CDH8: variants seen among roughly 807,000 people sequenced by gnomAD.
CDH8 encodes cadherin-8.
A neutral mutation model predicts 68.1 loss-of-function variants in CDH8; 17 were observed. The ratio of observed to expected loss-of-function variants is 0.25; its 90% CI spans 0.17 to 0.37. CDH8 has a LOEUF of 0.37. Ranked by LOEUF, CDH8 falls within the 10% of genes least tolerant of loss-of-function variation. CDH8 has a pLI of 1.00. For synonymous variants in CDH8, 372 were observed against 365.1 expected (o/e 1.02, Z -0.21); for missense variants, 763 against 999.3 (o/e 0.76, Z 3.19).
chr16:62,018,216 T>C (rs1412125163), intron 2 of CDH8, among the ~76,000 whole-genome samples: 2 of 152,180 alleles, frequency 1.3e-5, no homozygotes, highest in African/African-American at 2.4e-5. Context: ...TTTCTCAGCA[T>C]CCAGCTGCCT....
rs530853359 is a variant in CDH8 at position 61,814,969 on chromosome 16, G to A, written c.1277+2510C>T. Among the ~76,000 whole-genome samples the A allele has an allele frequency of 9.2e-5, 14 of 152,280 alleles. No individual in the cohort carries two copies. In the South Asian group the frequency reaches 2.7e-3, roughly 29 times the overall value. On this transcript the variant is annotated intron_variant, in intron 7 of 11. Transcript: ENST00000577390. ...TTAAGTTCTCATCCCATGGAGCCAA[G>A]CCAGGTTTAATAAAAAATGTGTGGG...
At chr16:61,683,964 G>T (rs1211842269) in intron 10 of CDH8, among the ~76,000 whole-genome samples, 2 of 151,964 alleles carry the variant, frequency 1.3e-5, no homozygotes, top group African/African-American at 4.8e-5. Flanking sequence ...CCCATGTTTG[G>T]TAATTCTAGA....
intron 7 of CDH8, among the ~76,000 whole-genome samples, chr16:61,800,802 A>G (rs11648416): frequency 0.15 from 20,765 of 142,986 alleles, 1,784 homozygotes; most frequent in Middle Eastern, 0.22. Context: ...CCTCTGCAAC[A>G]TTAAGTCAAA....
intron 3 of CDH8, among the ~76,000 whole-genome samples, chr16:61,882,150 T>A (rs1963590867): frequency 2.6e-5 from 4 of 152,246 alleles, no homozygotes; most frequent in African/African-American, 9.6e-5. Context: ...ACTGCCTTTC[T>A]AACCATTGCC....
intron 4 of CDH8, among the ~76,000 whole-genome samples, chr16:61,849,096 T>C (rs1202024288): frequency 6.6e-6 from 1 of 152,238 alleles, no homozygotes; most frequent in African/African-American, 2.4e-5. Context: ...TTTGTTGTAA[T>C]ATTGATTCTT....
chr16:61,661,589 T>A (rs35707934), intron 10 of CDH8, among the ~76,000 whole-genome samples: 10,263 of 151,742 alleles, frequency 0.068, 542 homozygotes, highest in Admixed American at 0.11. Context: ...TGCAACTAAG[T>A]GAGTCCTTAG....
At chr16:61,678,731 T>C (rs1197383956) in intron 10 of CDH8, among the ~76,000 whole-genome samples, 2 of 152,046 alleles carry the variant, frequency 1.3e-5, no homozygotes, top group Non-Finnish European at 2.9e-5. Flanking sequence ...TGTTAATGCC[T>C]TCTAATGACC....
intron 2 of CDH8, among the ~76,000 whole-genome samples, chr16:61,950,590 G>T (rs1210236078): frequency 6.6e-6 from 1 of 152,056 alleles, no homozygotes; most frequent in African/African-American, 2.4e-5. Flanking sequence ...ACTTTCCTTT[G>T]AAAATAATTG....
chr16:61,808,924 G>A (rs147906851), intron 7 of CDH8, among the ~76,000 whole-genome samples: 2 of 152,304 alleles, frequency 1.3e-5, no homozygotes, highest in South Asian at 2.1e-4. Flanking sequence ...AGTGGCTAAC[G>A]CCTGTAATCC....
chr16:61,768,777 A>T (rs1960703047), intron 8 of CDH8, among the ~76,000 whole-genome samples: 1 of 151,728 alleles, frequency 6.6e-6, no homozygotes, highest in African/African-American at 2.4e-5. Flanking sequence ...ACAGGTAATA[A>T]GCTGTTTCCA....
intron 3 of CDH8, among the ~76,000 whole-genome samples, chr16:61,860,771 T>C (rs1437063623): frequency 6.6e-6 from 1 of 152,214 alleles, no homozygotes; most frequent in Non-Finnish European, 1.5e-5. Flanking sequence ...TTACCAAATT[T>C]CCTTCTAGTG....
intron 2 of CDH8, among the ~76,000 whole-genome samples, chr16:61,936,180 A>G (rs1356699494): frequency 6.6e-6 from 1 of 152,154 alleles, no homozygotes; most frequent in Non-Finnish European, 1.5e-5. Flanking sequence ...CAAGGGATAT[A>G]CTTACATTGT....
chr16:62,006,553 T>C (rs1965979218), intron 2 of CDH8, among the ~76,000 whole-genome samples: 3 of 152,292 alleles, frequency 2.0e-5, no homozygotes, highest in African/African-American at 4.8e-5. Context: ...TGGAAGGTAC[T>C]AGGTAGTCAA....
chr16:61,721,545 G>A (rs1161040029), intron 9 of CDH8, among the ~76,000 whole-genome samples: 1 of 150,696 alleles, frequency 6.6e-6, no homozygotes, highest in Non-Finnish European at 1.5e-5. Context: ...TTTATCTAGG[G>A]ATAATTACCT....
At chr16:61,984,928 C>A (rs1965600575) in intron 2 of CDH8, among the ~76,000 whole-genome samples, 1 of 152,112 alleles carries the variant, frequency 6.6e-6, no homozygotes, top group African/African-American at 2.4e-5. Flanking sequence ...CGTCATTGAC[C>A]TATAGTGCTA....
chr16:61,935,571 G>T (rs1964614832), intron 2 of CDH8, among the ~76,000 whole-genome samples: 1 of 152,106 alleles, frequency 6.6e-6, no homozygotes, highest in African/African-American at 2.4e-5. Context: ...AAGGAAGGAA[G>T]AAACCTCCCA....
chr16:61,909,376 T>TA (rs747319847), intron 2 of CDH8, among the ~76,000 whole-genome samples: 68 of 152,238 alleles, frequency 4.5e-4, no homozygotes, highest in Non-Finnish European at 8.8e-4. Flanking sequence ...GCAAGCCCTC[T>TA]ATGTGCATTA....
At chr16:62,016,337 G>T (rs1230959937) in intron 2 of CDH8, among the ~76,000 whole-genome samples, 1 of 152,140 alleles carries the variant, frequency 6.6e-6, no homozygotes, top group East Asian at 1.9e-4. Context: ...TCAGAGCTGA[G>T]AATCCATTGG....
chr16:61,798,215 A>G (rs925901726), intron 7 of CDH8, among the ~76,000 whole-genome samples: 1 of 152,238 alleles, frequency 6.6e-6, no homozygotes, highest in Non-Finnish European at 1.5e-5. Context: ...AGTTTTACAC[A>G]TTGTGAAAGG....
Sources: gnomAD v4.1 joint callset for allele counts (sites outside exome capture counted in the v4.1 genomes callset) on GRCh38, gnomAD v4.1.1 for gene constraint, MANE v1.5 for transcripts, NCBI Gene and HGNC (gene_info 2026-07-23, HGNC 2026-07-21) for gene names.